SPTA1: variants seen among roughly 807,000 people sequenced by gnomAD.
The protein encoded by SPTA1 is spectrin alpha chain, erythrocytic 1.
Under a neutral mutation model 324.7 loss-of-function variants are expected in SPTA1, and 177 were observed. The ratio of observed to expected loss-of-function variants is 0.55; its 90% CI spans 0.48 to 0.62. The LOEUF is 0.62. SPTA1 is among the 20% of genes least tolerant of loss of function. The probability of loss-of-function intolerance (pLI) is 0.00; values close to 1 mark genes in which losing one functional copy is unlikely to be tolerated. For synonymous variants in SPTA1, 1,195 were observed against 1,041.3 expected, an observed-to-expected ratio of 1.15 and a Z score of -2.84; for missense variants, 3,162 against 2,883.6, an observed-to-expected ratio of 1.10 and a Z score of -2.21.
At chr1:158,641,922 A>G (rs1651617940) in intron 33 of SPTA1, among the ~76,000 whole-genome samples, 1 of 152,252 alleles carries the variant, frequency 6.6e-6, no homozygotes, top group Non-Finnish European at 1.5e-5. Context: ...AATGTCCCAC[A>G]ATGGTAGACT....
intron 17 of SPTA1, 76 bp downstream of exon 17, chr1:158,662,626 A>C: frequency 6.2e-7 from 1 of 1,602,078 alleles, no homozygotes; most frequent in Admixed American, 1.7e-5. Context: ...GACTCCAACT[A>C]CTGTACCCCA....
chr1:158,640,554 G>A (rs1434242756), intron 33 of SPTA1, among the ~76,000 whole-genome samples: 1 of 152,094 alleles, frequency 6.6e-6, no homozygotes. Context: ...AATCATGAGT[G>A]AACTCCCATT....
Position 158,634,650 on chromosome 1 carries a change from C to A in SPTA1, c.5458G>T (p.Glu1820Ter). 6.2e-7 allele frequency: 1 copy of A among 1,614,088 alleles called. No homozygotes were observed. Among genetic ancestry groups the A allele is most frequent in the Non-Finnish European group, 8.5e-7 (1 of 1,180,022 alleles). The change falls in exon 39 of 52, where the codon GAA (glutamate) becomes TAA (stop). Residue 1820 changes from glutamate (E) to a stop codon, truncating the protein, a stop_gained. Coordinates refer to ENST00000643759, the MANE Select transcript of SPTA1 (RefSeq NM_003126.4). LOFTEE classifies it high-confidence loss of function. The part of the protein sequence containing the change: ...ARGLKLEESL[E>*]YLQFMQNAEE... ...GCATTCTGCATGAATTGCAAGTATT[C>A]TAGGGATTCTTCCAACTTAAGTCCT...
At position 158,645,227 on chromosome 1, in the gene SPTA1, T is replaced by C. The variant is rs773397211; in HGVS notation, c.4155A>G (p.Glu1385=). The C allele has an allele frequency of 1.2e-6, 2 of 1,613,930 alleles. No individual in the cohort carries two copies. The highest frequency in any genetic ancestry group is 8.5e-7 in the Non-Finnish European group (1 of 1,179,846). The change falls in exon 29 of 52, where the codon GAA becomes GAG. Residue 1385 remains glutamate, a synonymous_variant. Transcript: ENST00000643759. ...LERDDLEKAW[E]KRKKILDQCL... is the part of the protein sequence containing the mutation. The stretch of plus-strand genomic sequence containing the variant: ...ACTGGTCTAGGATCTTCTTGCGTTT[T>C]TCCCAAGCCTTCTCCAAATCATCTC...
chr1:158,639,516 T>C (rs1651363465), intron 35 of SPTA1, 66 bp downstream of exon 35: 9 of 1,516,204 alleles, frequency 5.9e-6, no homozygotes, highest in Non-Finnish European at 8.2e-6. Context: ...TCTCCTAACA[T>C]GGGAGGGAGA....
rs41273521 is a variant in SPTA1, at chr1:158,627,031, A to G, written c.5665-24T>C. The G allele has an allele frequency of 0.015, 23,753 of 1,613,118 alleles. 223 individuals are homozygous for G. The highest frequency in any genetic ancestry group is 0.018 in the Non-Finnish European group (20,953 of 1,179,382). ...ACCTGTGAGAAGGGGAGAGACAAAT[A>G]TATTTATAATGTGCAGGGCTGGAAA... On this transcript the variant is annotated intron_variant, in intron 40 of 51. Transcript: ENST00000643759.
At chr1:158,631,471 G>C (rs1237462699) in intron 39 of SPTA1, among the ~76,000 whole-genome samples, 1 of 151,976 alleles carries the variant, frequency 6.6e-6, no homozygotes, top group Non-Finnish European at 1.5e-5. Flanking sequence ...GTGGGAAAGG[G>C]GTCAGGGATA....
chr1:158,679,021 G>A (rs1654605031), intron 5 of SPTA1, among the ~76,000 whole-genome samples: 1 of 151,760 alleles, frequency 6.6e-6, no homozygotes, highest in Non-Finnish European at 1.5e-5. Flanking sequence ...GTATGATTTT[G>A]CATAAAATTT....
At position 158,639,967 on chromosome 1, in the gene SPTA1, A is replaced by G. The variant is rs1571421445; in HGVS notation, c.4778T>C (p.Leu1593Pro). ...EQLKEHWDHL[L>P]ERTNDKGKKL... ...CTTCCCTTTGTCATTTGTTCTCTCA[A>G]GCAGATGATCCCAATGTTCCTTCAG... Residue 1593 changes from leucine (L) to proline (P), a missense_variant, in exon 34 of 52, where the codon CTT becomes CCT. Physicochemically the swap from Leu to Pro is moderately conservative, Grantham distance 98 (BLOSUM62 -3). Transcript: ENST00000643759. The G allele has an allele frequency of 1.9e-6, 3 of 1,613,876 alleles. No individual in the cohort carries two copies. The highest frequency in any genetic ancestry group is 2.2e-5 in the East Asian group (1 of 44,850).
chr1:158,677,339 A>T (rs1182380305), intron 7 of SPTA1, among the ~76,000 whole-genome samples: 1 of 152,164 alleles, frequency 6.6e-6, no homozygotes, highest in Non-Finnish European at 1.5e-5. Flanking sequence ...ATGTGGTTAG[A>T]TGAAAGGGTA....
In SPTA1 at chr1:158,674,585, A is replaced by G. The variant is rs766428858; in HGVS notation, c.1203T>C (p.Asp401=). 1.2e-6 allele frequency: 2 copies of G among 1,614,124 alleles called. No homozygotes were observed. The highest frequency in any genetic ancestry group is 3.3e-5 in the Admixed American group (2 of 60,010). ...CCAGCAGAACTTCTCCACCAGCCAC[A>G]TCTGTTGGCAGCTCATCAGCATTGA... The part of the protein sequence containing the change: ...AAINADELPT[D]VAGGEVLLDR... The change falls in exon 9 of 52, where the codon GAT becomes GAC. Residue 401 remains aspartate (D), a synonymous_variant. Transcript: ENST00000643759.
At chr1:158,676,026 G>A (rs1557988243) in intron 8 of SPTA1, 115 bp downstream of exon 8, 3 of 1,401,160 alleles carry the variant, frequency 2.1e-6, no homozygotes, top group Admixed American at 1.8e-5. Context: ...CTACTGAGCA[G>A]GCAGGAGAGC....
At chr1:158,640,135 T>A in intron 33 of SPTA1, 128 bp from the exon 34 acceptor site, 1 of 1,154,470 alleles carries the variant, frequency 8.7e-7, no homozygotes, top group Non-Finnish European at 1.3e-6. Context: ...TTGAATATCA[T>A]ACATTTCAAA....
chr1:158,663,945 A>G (rs1291918140), intron 16 of SPTA1, among the ~76,000 whole-genome samples: 2 of 152,222 alleles, frequency 1.3e-5, no homozygotes, highest in African/African-American at 2.4e-5. Context: ...TCAGTGCTCA[A>G]TCTATAAAGG....
Position 158,686,585 on chromosome 1 carries a change from A to G in SPTA1, c.-68T>C, listed in dbSNP as rs1655199326. 7.5e-6 allele frequency: 9 copies of G among 1,203,124 alleles called. No individual in the cohort carries two copies. The highest frequency in any genetic ancestry group is 6.8e-5 in the Admixed American group (4 of 59,090). The allele number at this position is 1,203,124 out of a possible 1,614,324, so 74.5% of individuals were successfully genotyped here. ...AGAGAGAGAGAGAGAGAAATAATTC[A>G]AATGGAACTGTCCAGTCGAATTCAA... On this transcript the variant is annotated 5_prime_UTR_variant, in exon 1 of 52. Transcript: ENST00000643759.
At position 158,684,093 on chromosome 1, in the gene SPTA1, A is replaced by G. The variant is rs1331795377; in HGVS notation, c.265-597T>C. Reference sequence around the variant, plus strand: ...AAGAGCCATGAATAGCAATTTAGGGAAGAAAAAAAAAAAACTCTGGTTAAC... The same window carrying G: ...AAGAGCCATGAATAGCAATTTAGGGGAGAAAAAAAAAAAACTCTGGTTAAC... On this transcript the variant is annotated intron_variant, in intron 2 of 51. Transcript: ENST00000643759. 2.7e-3 allele frequency among the ~76,000 whole-genome samples: 83 copies of G among 30,752 alleles called. 1 individual carries two copies. The East Asian group carries it at 0.045, about 17-fold the overall frequency. 20.2% of individuals were successfully genotyped at this position (30,752 alleles called of 152,430 possible). A position where few individuals can be genotyped will look rare whatever the true frequency, so the allele number is the denominator to read the frequency against.
chr1:158,626,140 T>A lies in SPTA1; in HGVS notation c.5910+6A>T, dbSNP rs1650251417. 1.9e-6 allele frequency: 3 copies of A among 1,613,208 alleles called. No individual in the cohort carries two copies. The highest frequency in any genetic ancestry group is 2.5e-6 in the Non-Finnish European group (3 of 1,179,202). ...CTTGGGCTTACCTAACATCTATCAA[T>A]CTCACCTGTTTTGCCAGAAGAGTGA... On this transcript the variant is annotated splice_donor_region_variant and intron_variant, in intron 42 of 51. Transcript: ENST00000643759.
chr1:158,626,194 A>G lies in SPTA1; in HGVS notation c.5862T>C (p.Asn1954=), dbSNP rs1650254028. ...AGTCACCAAGGTCTGCACCATTGCC[A>G]TTGGTCTTTAGGCTTGTTTCCTTAT... The part of the protein sequence containing the change: ...IADKETSLKT[N]GNGADLGDFL... Residue 1954 remains asparagine, a synonymous_variant, in exon 42 of 52, where the codon AAT becomes AAC. Coordinates refer to ENST00000643759, the MANE Select transcript of SPTA1 (RefSeq NM_003126.4). 2 of 1,613,740 alleles carry G rather than the reference A, an allele frequency of 1.2e-6. No homozygotes were observed. Among genetic ancestry groups the G allele is most frequent in the Admixed American group, 1.7e-5 (1 of 60,024 alleles).
In SPTA1 at chr1:158,653,544, A is replaced by G. The variant is rs145588695; in HGVS notation, c.3037-119T>C. 1.6e-5 allele frequency: 22 copies of G among 1,334,478 alleles called. No homozygotes were observed. The African/African-American group carries it at 2.7e-4, about 17-fold the overall frequency. The allele number at this position is 1,334,478 out of a possible 1,614,324, so 82.7% of individuals were successfully genotyped here. A position where few individuals can be genotyped will look rare whatever the true frequency, so the allele number is the denominator to read the frequency against. On this transcript the variant is annotated intron_variant, in intron 21 of 51. Transcript: ENST00000643759. ...GGTTAATGGCAAAGATAAGCTAACC[A>G]TGTCTAATGAGTGGCACATAATTTT... is the stretch of plus-strand genomic sequence containing the variant.
Sources: allele counts gnomAD v4.1 joint callset (sites outside exome capture counted in the v4.1 genomes callset), GRCh38; gene constraint gnomAD v4.1.1; transcripts MANE v1.5; gene names NCBI Gene and HGNC (gene_info 2026-07-23, HGNC 2026-07-21).